The following KAZN variants were observed in gnomAD, a reference collection of about 807,000 sequenced individuals.
KAZN encodes kazrin, periplakin interacting protein.
In KAZN, 40 loss-of-function variants were observed where a neutral mutation model predicts 87.4. The ratio of observed to expected loss-of-function variants is 0.46; its 90% confidence interval spans 0.36 to 0.60. KAZN has a LOEUF of 0.60. Among genes scored for constraint, KAZN ranks in the 20% least tolerant of loss-of-function variants. The probability of loss-of-function intolerance (pLI) is 0.00; values close to 1 mark genes in which losing one functional copy is unlikely to be tolerated. For synonymous variants in KAZN, 466 were observed against 458.3 expected, an observed-to-expected ratio of 1.02 and a Z score of -0.22; for missense variants, 898 against 1,073.9, an observed-to-expected ratio of 0.84 and a Z score of 2.29.
intron 1 of KAZN, among the ~76,000 whole-genome samples, chr1:14,665,948 A>T (rs1055596767): frequency 8.6e-5 from 13 of 151,814 alleles, no homozygotes; most frequent in Admixed American, 6.6e-4. Flanking sequence ...AAAAAAAAAA[A>T]AAAAATAACA....
intron 1 of KAZN, among the ~76,000 whole-genome samples, chr1:14,688,801 A>G (rs1162647089): frequency 6.6e-6 from 1 of 152,260 alleles, no homozygotes; most frequent in Non-Finnish European, 1.5e-5. Context: ...CTGTATGCAG[A>G]GAAAAAGGCA....
chr1:14,950,458 G>A (rs1166829508), intron 1 of KAZN, among the ~76,000 whole-genome samples: 2 of 152,156 alleles, frequency 1.3e-5, no homozygotes, highest in Non-Finnish European at 2.9e-5. Flanking sequence ...GCCCCACAGA[G>A]GGAGTGACGC....
intron 2 of KAZN, among the ~76,000 whole-genome samples, chr1:14,397,702 C>CA (rs541054606): frequency 8.3e-4 from 124 of 150,192 alleles, no homozygotes; most frequent in Non-Finnish European, 1.7e-3. Flanking sequence ...ACTAAAAATA[C>CA]AAAAAAAAAT....
At chr1:14,986,563 C>A (rs529709893) in intron 2 of KAZN, among the ~76,000 whole-genome samples, 5 of 152,258 alleles carry the variant, frequency 3.3e-5, no homozygotes, top group African/African-American at 1.2e-4. Context: ...CAGCCTGAGC[C>A]AGGGCTGTGA....
chr1:15,068,048 A>G, intron 8 of KAZN: 1 of 743,070 alleles, frequency 1.3e-6, no homozygotes, highest in Non-Finnish European at 1.6e-6. Flanking sequence ...GTTATGGGTA[A>G]CATTAGACGA....
At chr1:14,781,862 C>A (rs1269129074) in intron 1 of KAZN, among the ~76,000 whole-genome samples, 2 of 152,134 alleles carry the variant, frequency 1.3e-5, no homozygotes, top group African/African-American at 4.8e-5. Context: ...TGAATTCAGC[C>A]CCCAATCATA....
At chr1:13,932,006 T>C (rs2100936887) in intron 1 of KAZN, among the ~76,000 whole-genome samples, 1 of 102,944 alleles carries the variant, frequency 9.7e-6, no homozygotes, top group Non-Finnish European at 1.9e-5. Flanking sequence ...TAGGCTTGGC[T>C]AATTTTTTTT....
intron 1 of KAZN, among the ~76,000 whole-genome samples, chr1:14,714,850 A>C (rs1382447935): frequency 7.4e-6 from 1 of 135,522 alleles, no homozygotes; most frequent in East Asian, 2.2e-4. Context: ...GCTGGAGTGC[A>C]GTGGCACAAT....
intron 4 of KAZN, among the ~76,000 whole-genome samples, chr1:15,055,584 C>T (rs1229505133): frequency 2.0e-5 from 3 of 152,204 alleles, no homozygotes; most frequent in Non-Finnish European, 2.9e-5. Flanking sequence ...GACACAAATG[C>T]ATCCATGTGA....
intron 1 of KAZN, among the ~76,000 whole-genome samples, chr1:14,746,784 G>T (rs1238365652): frequency 6.6e-6 from 1 of 152,190 alleles, no homozygotes; most frequent in Non-Finnish European, 1.5e-5. Context: ...GGTCAAAGTA[G>T]TCGTCTAGAG....
chr1:13,941,190 A>AAAC (rs1253452966), intron 1 of KAZN, among the ~76,000 whole-genome samples: 4 of 152,246 alleles, frequency 2.6e-5, no homozygotes, highest in Non-Finnish European at 5.9e-5. Flanking sequence ...ACTCCATCTA[A>AAAC]AACAACAACA....
chr1:14,922,595 C>T (rs1278672431), intron 1 of KAZN, among the ~76,000 whole-genome samples: 2 of 152,050 alleles, frequency 1.3e-5, no homozygotes, highest in Non-Finnish European at 2.9e-5. Context: ...AGTTCGAGAC[C>T]AGCCTGACCA....
intron 2 of KAZN, among the ~76,000 whole-genome samples, chr1:14,546,078 A>G (rs1475819371): frequency 1.3e-5 from 2 of 152,226 alleles, no homozygotes; most frequent in African/African-American, 2.4e-5. Context: ...GGGTTTCACA[A>G]GCATAAATGT....
At chr1:13,971,602 TTTTGTTGTTG>T (rs146580721) in intron 1 of KAZN, among the ~76,000 whole-genome samples, 9,984 of 151,886 alleles carry the variant, frequency 0.066, 560 homozygotes, top group East Asian at 0.29. Context: ...GAGGTTTTTT[TTTTGTTGTTG>T]TTGTTGTTGT....
intron 2 of KAZN, among the ~76,000 whole-genome samples, chr1:14,985,564 A>G (rs1021216931): frequency 6.6e-6 from 1 of 152,138 alleles, no homozygotes; most frequent in African/African-American, 2.4e-5. Flanking sequence ...AGATGGAATG[A>G]AAGAATGAGA....
chr1:14,947,164 C>T (rs1661913004), intron 1 of KAZN, among the ~76,000 whole-genome samples: 1 of 152,252 alleles, frequency 6.6e-6, no homozygotes. Flanking sequence ...TCCCGATCTG[C>T]AGTGAGCTTT....
intron 2 of KAZN, among the ~76,000 whole-genome samples, chr1:14,187,354 A>G (rs1646330218): frequency 6.6e-6 from 1 of 152,190 alleles, no homozygotes; most frequent in African/African-American, 2.4e-5. Context: ...TTAAAGCTAC[A>G]CACTACCCTC....
At chr1:14,360,001 A>G (rs140611746) in intron 2 of KAZN, among the ~76,000 whole-genome samples, 2,780 of 152,236 alleles carry the variant, frequency 0.018, 73 homozygotes, top group African/African-American at 0.064. Flanking sequence ...AGGTTGGGGA[A>G]GTTCTCCTGG....
chr1:14,094,513 C>T (rs1399508391), intron 1 of KAZN, among the ~76,000 whole-genome samples: 2 of 152,140 alleles, frequency 1.3e-5, no homozygotes, highest in Non-Finnish European at 2.9e-5. Flanking sequence ...ACAGTATCCA[C>T]ACAATAGACA....
Sources: gnomAD v4.1 joint callset for allele counts (sites outside exome capture counted in the v4.1 genomes callset) on GRCh38, gnomAD v4.1.1 for gene constraint, MANE v1.5 for transcripts, NCBI Gene and HGNC (gene_info 2026-07-23, HGNC 2026-07-21) for gene names.